Variants in TAAR1 observed in about 807,000 individuals in gnomAD.
TAAR1 encodes the protein trace amine associated receptor 1.
Under a neutral mutation model 1.2 loss-of-function variants are expected in TAAR1, and 1 was observed. That is an observed-to-expected ratio of 0.81 (90% CI 0.29 to 3.86). The LOEUF is 3.86. Among genes scored for constraint, TAAR1 ranks in the 30% most tolerant of loss-of-function variants. TAAR1 has a pLI of 0.18. For missense variants in TAAR1, 445 were observed against 405.6 expected, an observed-to-expected ratio of 1.10 and a Z score of -0.83; for synonymous variants, 153 against 132.2, an observed-to-expected ratio of 1.16 and a Z score of -1.08.
chr6:132,649,306 C>T (rs560827320), intron 1 of TAAR1, among the ~76,000 whole-genome samples: 7 of 152,116 alleles, frequency 4.6e-5, no homozygotes, highest in Non-Finnish European at 7.4e-5. Context: ...ATACCTTCTC[C>T]CCTGCAACCT....
At position 132,643,657 on chromosome 6, in the gene TAAR1, C is replaced by T. The variant is rs1777623833; in HGVS notation, c.*1327G>A. Among the ~76,000 whole-genome samples the T allele has an allele frequency of 6.6e-6, 1 of 151,860 alleles. No homozygotes were observed. The highest frequency in any genetic ancestry group is 1.9e-4 in the East Asian group (1 of 5,194). ...GTTACGTTTAAAATCATTTGCCTTACCCTAACTTATTCATGAGCAGAAGGT... is the reference window on the plus strand; with the variant it reads ...GTTACGTTTAAAATCATTTGCCTTATCCTAACTTATTCATGAGCAGAAGGT... On this transcript the variant is annotated 3_prime_UTR_variant, in exon 2 of 2. Transcript: ENST00000275216.
intron 1 of TAAR1, among the ~76,000 whole-genome samples, chr6:132,649,066 A>G (rs751718025): frequency 6.6e-6 from 1 of 152,164 alleles, no homozygotes; most frequent in Non-Finnish European, 1.5e-5. Context: ...TAACCCTATC[A>G]TAAGCTTTGT....
intron 1 of TAAR1, among the ~76,000 whole-genome samples, chr6:132,653,361 C>T (rs1435945217): frequency 6.6e-6 from 1 of 152,154 alleles, no homozygotes; most frequent in Non-Finnish European, 1.5e-5. Context: ...AAAGTAGGGG[C>T]CACTTCATAC....
At chr6:132,647,136 C>T (rs1244974164) in intron 1 of TAAR1, among the ~76,000 whole-genome samples, 1 of 151,912 alleles carries the variant, frequency 6.6e-6, no homozygotes, top group African/African-American at 2.4e-5. Flanking sequence ...AGGCACACAA[C>T]CTTTTTAGTT....
chr6:132,646,085 C>T lies in TAAR1; in HGVS notation c.-82G>A. On this transcript the variant is annotated 5_prime_UTR_variant, in exon 2 of 2. Coordinates refer to ENST00000275216, the MANE Select transcript of TAAR1 (RefSeq NM_138327.4). ...CCAAATCCATAATCAGGTTACAGTT[C>T]CTTCTCATGTTTATTTTTTATTTGC... The T allele has an allele frequency of 7.1e-7, 1 of 1,408,096 alleles. No homozygotes were observed. Among genetic ancestry groups the T allele is most frequent in the Non-Finnish European group, 9.6e-7 (1 of 1,045,192 alleles). 87.2% of individuals were successfully genotyped at this position (1,408,096 alleles called of 1,614,324 possible).
At chr6:132,647,980 ATACCAAATAAATCTGTAAGATT>A (rs896796982) in intron 1 of TAAR1, among the ~76,000 whole-genome samples, 9 of 152,176 alleles carry the variant, frequency 5.9e-5, no homozygotes, top group South Asian at 4.1e-4. Context: ...AAACATATTT[ATACCAAATAAATCTGTAAGATT>A]TATTTAAAAA....
intron 1 of TAAR1, among the ~76,000 whole-genome samples, chr6:132,646,626 T>A (rs541694905): frequency 5.9e-5 from 9 of 152,298 alleles, no homozygotes; most frequent in African/African-American, 1.9e-4. Flanking sequence ...TATAATTAAT[T>A]GTAATAAGAA....
Position 132,645,349 on chromosome 6 carries a change from C to A in TAAR1, c.655G>T (p.Glu219Ter), listed in dbSNP as rs1777652303. The change falls in exon 2 of 2, where the codon GAA becomes TAA. Residue 219 changes from glutamate (E) to a stop codon, truncating the protein, a stop_gained. Transcript: ENST00000275216. LOFTEE classifies it low-confidence loss of function (END_TRUNC). ...VYYRIYLIAK[E>*]QARLISDANQ... ...GCATCACTAATTAATCTTGCCTGTT[C>A]TTTAGCGATAAGATATATTCTGTAA... The A allele has an allele frequency of 6.2e-7, 1 of 1,613,262 alleles. No individual in the cohort carries two copies. The highest frequency in any genetic ancestry group is 8.5e-7 in the Non-Finnish European group (1 of 1,179,744).
chr6:132,655,733 T>G lies in TAAR1; in HGVS notation c.-127+3397A>C, dbSNP rs558456516. Reference sequence around the variant, plus strand: ...GCAAAGACATAAGCAAGGAGATCAATTAGGGAGCTGCTGCAACGGAAGCTG... The same window carrying G: ...GCAAAGACATAAGCAAGGAGATCAAGTAGGGAGCTGCTGCAACGGAAGCTG... On this transcript the variant is annotated intron_variant, in intron 1 of 1. Coordinates refer to ENST00000275216, the MANE Select transcript of TAAR1 (RefSeq NM_138327.4). Among the ~76,000 whole-genome samples, 380 of 152,230 alleles carry G rather than the reference T, an allele frequency of 2.5e-3. 3 individuals are homozygous for G. The highest frequency in any genetic ancestry group is 8.7e-3 in the African/African-American group (363 of 41,534).
Position 132,645,809 on chromosome 6 carries a change from C to G in TAAR1, c.195G>C (p.Met65Ile), listed in dbSNP as rs201331642. 1.2e-6 allele frequency: 2 copies of G among 1,613,694 alleles called. No homozygotes were observed. The highest frequency in any genetic ancestry group is 2.7e-5 in the African/African-American group (2 of 74,978). ...ACCCCAGAAGAAAGTCCACAGTGGC[C>G]ATGGAATGAATGAGCCAATTTGTTG... ...HTPTNWLIHS[M>I]ATVDFLLGCL... The change falls in exon 2 of 2, where the codon ATG becomes ATC. Residue 65 changes from methionine (M) to isoleucine (I), a missense_variant. Physicochemically the swap from Met to Ile is conservative, Grantham distance 10 (BLOSUM62 1). Transcript: ENST00000275216.
At position 132,645,179 on chromosome 6, in the gene TAAR1, AG is replaced by A. The variant is rs1562201697; in HGVS notation, c.824del (p.Pro275LeufsTer11). On this transcript the variant is annotated frameshift_variant, in exon 2 of 2. Coordinates refer to ENST00000275216, the MANE Select transcript of TAAR1 (RefSeq NM_138327.4). LOFTEE classifies it high-confidence loss of function. The part of the protein sequence containing the change: ...CPFFICTVMD[P>X]FLHYIIPPTL... ...TAGGTGGAATAATGTAGTGAAGAAA[AG>A]GGTCCATGACTGTACAGATAAAGAA... is the stretch of plus-strand genomic sequence containing the variant. The A allele has an allele frequency of 6.2e-7, 1 of 1,612,088 alleles. No individual in the cohort carries two copies. The highest frequency in any genetic ancestry group is 1.7e-4 in the Middle Eastern group (1 of 6,046).
At chr6:132,652,230 C>T (rs766205747) in intron 1 of TAAR1, among the ~76,000 whole-genome samples, 1 of 150,466 alleles carries the variant, frequency 6.6e-6, no homozygotes, top group Non-Finnish European at 1.5e-5. Flanking sequence ...AGGTGAAAAA[C>T]TAAAAAAGAA....
intron 1 of TAAR1, among the ~76,000 whole-genome samples, chr6:132,657,640 T>C (rs1582755090): frequency 1.3e-5 from 2 of 152,030 alleles, no homozygotes; most frequent in East Asian, 3.8e-4. Context: ...CATGCATTTA[T>C]GTAATTATGG....
chr6:132,650,366 A>T (rs1777737042), intron 1 of TAAR1, among the ~76,000 whole-genome samples: 1 of 152,158 alleles, frequency 6.6e-6, no homozygotes, highest in Admixed American at 6.6e-5. Flanking sequence ...AAATTTGAAC[A>T]CTGGTTAAAT....
At chr6:132,646,598 A>G (rs66520031) in intron 1 of TAAR1, among the ~76,000 whole-genome samples, 9,483 of 152,248 alleles carry the variant, frequency 0.062, 337 homozygotes, top group East Asian at 0.11. Flanking sequence ...TCATACGTAA[A>G]TTATATATTT....
chr6:132,645,923 G>C lies in TAAR1; in HGVS notation c.81C>G (p.Tyr27Ter). The C allele has an allele frequency of 1.9e-6, 3 of 1,613,620 alleles. No homozygotes were observed. Among genetic ancestry groups the C allele is most frequent in the Non-Finnish European group, 2.5e-6 (3 of 1,179,716 alleles). Residue 27 changes from tyrosine to a stop codon, truncating the protein, a stop_gained, in exon 2 of 2, where the codon TAC becomes TAG. Transcript: ENST00000275216. LOFTEE classifies it low-confidence loss of function (END_TRUNC). ...NWSNDVRASL[Y>*]SLMVLIILTT... Reference sequence around the variant, plus strand: ...TCAGAATTATGAGCACCATTAAACTGTACAGGGAAGCACGGACATCATTTG... The same window carrying C: ...TCAGAATTATGAGCACCATTAAACTCTACAGGGAAGCACGGACATCATTTG...
rs185821838 is a variant in TAAR1 at position 132,647,501 on chromosome 6, G to A, written c.-126-1372C>T. Among the ~76,000 whole-genome samples the A allele has an allele frequency of 6.6e-3, 987 of 148,466 alleles. 13 individuals are homozygous for A. The highest frequency in any genetic ancestry group is 0.023 in the African/African-American group (925 of 40,192). On this transcript the variant is annotated intron_variant, in intron 1 of 1. Transcript: ENST00000275216. ...AGAAAGAAAGGAAGAAGGAAGAAAG[G>A]AAGGGAGGGAGGGAGGAAAGGAGAG...
intron 1 of TAAR1, among the ~76,000 whole-genome samples, chr6:132,651,699 G>A (rs908692818): frequency 2.6e-5 from 4 of 152,088 alleles, no homozygotes; most frequent in Non-Finnish European, 5.9e-5. Context: ...TGGTTCCCCT[G>A]CTTCTTCTCC....
At chr6:132,648,811 A>G (rs578030450) in intron 1 of TAAR1, among the ~76,000 whole-genome samples, 1 of 152,180 alleles carries the variant, frequency 6.6e-6, no homozygotes, top group Non-Finnish European at 1.5e-5. Flanking sequence ...AGAGATAATT[A>G]TTATCTGTAT....
Sources: allele counts gnomAD v4.1 joint callset (sites outside exome capture counted in the v4.1 genomes callset), GRCh38; gene constraint gnomAD v4.1.1; transcripts MANE v1.5; gene names NCBI Gene and HGNC (gene_info 2026-07-23, HGNC 2026-07-21).